The following PCSK5 variants were observed in gnomAD, a reference collection of about 807,000 sequenced individuals.
PCSK5 encodes proprotein convertase subtilisin/kexin type 5.
Under a neutral mutation model 233.2 loss-of-function variants are expected in PCSK5, and 129 were observed. That is an observed-to-expected ratio of 0.55 (90% CI 0.48 to 0.64). The LOEUF (loss-of-function observed/expected upper bound fraction) is 0.64, where lower values mean the gene tolerates loss of function less well. PCSK5 is among the 30% of genes least tolerant of loss of function. The pLI, the probability that PCSK5 is intolerant of heterozygous loss-of-function variation, is 0.00. For synonymous variants in PCSK5, 825 were observed against 879.2 expected (o/e 0.94, Z 1.09); for missense variants, 2,076 against 2,430.1 (o/e 0.85, Z 3.06).
intron 3 of PCSK5, among the ~76,000 whole-genome samples, chr9:76,015,222 T>C (rs906706236): frequency 6.6e-6 from 1 of 152,168 alleles, no homozygotes; most frequent in Non-Finnish European, 1.5e-5. Flanking sequence ...AGAAAGCAAA[T>C]TCACTCTTCC....
At position 76,134,130 on chromosome 9, in the gene PCSK5, C is replaced by T. The variant is rs371713615; in HGVS notation, c.1230C>T (p.Asp410=). 6.7e-5 allele frequency: 107 copies of T among 1,603,104 alleles called. No individual in the cohort carries two copies. The highest frequency in any genetic ancestry group is 1.7e-4 in the Middle Eastern group (1 of 6,054). The change falls in exon 10 of 38, where the codon GAC becomes GAT. Residue 410 remains aspartate (D), a synonymous_variant. Transcript: ENST00000674117. ...LEANPFLTWR[D]VQHVIVRTSR... is the part of the protein sequence containing the mutation. ...CCAGTCCGTTTCTGACCTGGAGAGA[C>T]GTACAGCATGTTATTGTCAGGACTT...
chr9:76,124,589 C>A (rs1172021447), intron 9 of PCSK5, among the ~76,000 whole-genome samples: 1 of 151,428 alleles, frequency 6.6e-6, no homozygotes, highest in Admixed American at 6.6e-5. Context: ...TACTAAAATA[C>A]AAAAAATTAT....
intron 7 of PCSK5, among the ~76,000 whole-genome samples, chr9:76,072,682 C>T (rs1351836480): frequency 2.0e-5 from 3 of 152,146 alleles, no homozygotes; most frequent in Non-Finnish European, 2.9e-5. Context: ...TTCTTCTCCT[C>T]TCTTTTACTC....
At chr9:76,258,824 G>A (rs564256958) in intron 24 of PCSK5, among the ~76,000 whole-genome samples, 38 of 152,188 alleles carry the variant, frequency 2.5e-4, no homozygotes, top group Non-Finnish European at 4.7e-4. Flanking sequence ...GAGTGAGTAC[G>A]GTCATTTACC....
intron 24 of PCSK5, among the ~76,000 whole-genome samples, chr9:76,290,556 C>T (rs1252921099): frequency 6.6e-6 from 1 of 152,182 alleles, no homozygotes; most frequent in Non-Finnish European, 1.5e-5. Context: ...AACCTCTACC[C>T]CAAGGAGCTT....
chr9:76,247,903 G>A (rs1826667874), intron 24 of PCSK5, among the ~76,000 whole-genome samples: 1 of 151,850 alleles, frequency 6.6e-6, no homozygotes, highest in Non-Finnish European at 1.5e-5. Flanking sequence ...TCCTGCCTCA[G>A]CCTCCCAAGT....
chr9:75,986,364 A>G, intron 3 of PCSK5, 119 bp downstream of exon 3: 1 of 641,558 alleles, frequency 1.6e-6, no homozygotes, highest in Non-Finnish European at 2.8e-6. Flanking sequence ...TTCCTATTTT[A>G]ATACCCACCA....
chr9:76,138,544 T>C (rs760892579), intron 10 of PCSK5, among the ~76,000 whole-genome samples: 14 of 152,112 alleles, frequency 9.2e-5, no homozygotes, highest in Non-Finnish European at 1.8e-4. Flanking sequence ...GAGGAAACTG[T>C]AAATCCACTG....
chr9:76,124,142 G>A (rs1432799216), intron 9 of PCSK5, among the ~76,000 whole-genome samples: 1 of 152,110 alleles, frequency 6.6e-6, no homozygotes, highest in East Asian at 1.9e-4. Flanking sequence ...TGAAGTATAT[G>A]AGAAACCTGC....
Position 76,338,230 on chromosome 9 carries a change from A to T in PCSK5, c.4749A>T (p.Gly1583=). Residue 1583 remains glycine, a splice_region_variant and synonymous_variant, in exon 35 of 38, where the codon GGA becomes GGT. Transcript: ENST00000674117. ...ATCTTTTCTTCTCCTTTGGTTTCAG[A>T]TATTACGCAGACAACTCCACTGGCC... ...GKECLLQCRE[G]YYADNSTGRC... is the part of the protein sequence containing the mutation. 6.2e-7 allele frequency: 1 copy of T among 1,609,258 alleles called. No individual in the cohort carries two copies. Among genetic ancestry groups the T allele is most frequent in the Non-Finnish European group, 8.5e-7 (1 of 1,177,728 alleles).
chr9:76,334,185 G>A (rs1350777981), intron 34 of PCSK5, among the ~76,000 whole-genome samples: 1 of 152,054 alleles, frequency 6.6e-6, no homozygotes, highest in African/African-American at 2.4e-5. Flanking sequence ...ACAGCATGGG[G>A]GAAACCGCCC....
At chr9:76,122,715 AAATTTT>A (rs1405254333) in intron 9 of PCSK5, among the ~76,000 whole-genome samples, 3 of 152,126 alleles carry the variant, frequency 2.0e-5, no homozygotes, top group African/African-American at 7.2e-5. Context: ...CAATATTATT[AAATTTT>A]AACTATAATG....
intron 21 of PCSK5, among the ~76,000 whole-genome samples, chr9:76,228,276 G>A (rs777940702): frequency 3.1e-4 from 47 of 152,124 alleles, no homozygotes; most frequent in Non-Finnish European, 5.6e-4. Context: ...AAAGTGCTGG[G>A]GTTACAAGGG....
At chr9:75,916,955 G>T (rs1823026769) in intron 1 of PCSK5, among the ~76,000 whole-genome samples, 1 of 152,050 alleles carries the variant, frequency 6.6e-6, no homozygotes, top group Admixed American at 6.5e-5. Flanking sequence ...TAGATCACAA[G>T]GTCAGGAGTT....
chr9:75,954,413 C>A (rs1267891222), intron 2 of PCSK5, among the ~76,000 whole-genome samples: 1 of 152,094 alleles, frequency 6.6e-6, no homozygotes, highest in South Asian at 2.1e-4. Context: ...CCTTGAATAT[C>A]TCCCCCTCCC....
At chr9:76,349,192 T>A (rs1830053971) in intron 35 of PCSK5, among the ~76,000 whole-genome samples, 1 of 145,030 alleles carries the variant, frequency 6.9e-6, no homozygotes, top group African/African-American at 2.6e-5. Context: ...GAGAATGGCG[T>A]CAACCCAGGA....
intron 1 of PCSK5, among the ~76,000 whole-genome samples, chr9:75,906,855 G>A (rs1826284570): frequency 6.6e-6 from 1 of 152,110 alleles, no homozygotes; most frequent in African/African-American, 2.4e-5. Flanking sequence ...TCATTCCCTT[G>A]ATAAAGCTAG....
intron 5 of PCSK5, among the ~76,000 whole-genome samples, chr9:76,057,426 T>C (rs1829860615): frequency 6.6e-6 from 1 of 152,158 alleles, no homozygotes; most frequent in Non-Finnish European, 1.5e-5. Context: ...CTGAAGAGAA[T>C]GGGCTAGGGT....
intron 24 of PCSK5, among the ~76,000 whole-genome samples, chr9:76,257,079 G>A (rs940076782): frequency 7.2e-5 from 11 of 152,138 alleles, no homozygotes; most frequent in African/African-American, 2.7e-4. Flanking sequence ...TTTCTGAGAA[G>A]CCTGTTGGTG....
Sources: gnomAD v4.1 joint callset for allele counts (sites outside exome capture counted in the v4.1 genomes callset) on GRCh38, gnomAD v4.1.1 for gene constraint, MANE v1.5 for transcripts, NCBI Gene and HGNC (gene_info 2026-07-23, HGNC 2026-07-21) for gene names.